Variants in ARHGAP24 observed in about 807,000 individuals in gnomAD.
The protein encoded by ARHGAP24 is Rho GTPase activating protein 24, also known as rho GTPase-activating protein 24.
ARHGAP24 carries 50 observed loss-of-function variants against 76.4 expected under a neutral mutation model. The ratio of observed to expected loss-of-function variants is 0.65; its 90% CI spans 0.52 to 0.83. The LOEUF (loss-of-function observed/expected upper bound fraction) is 0.83. Among genes scored for constraint, ARHGAP24 ranks in the 40% least tolerant of loss-of-function variants. The probability of loss-of-function intolerance (pLI) is 0.00; values close to 1 mark genes in which losing one functional copy is unlikely to be tolerated. For missense variants in ARHGAP24, 930 were observed against 914.2 expected (o/e 1.02, Z -0.22); for synonymous variants, 345 against 323.3 (o/e 1.07, Z -0.72).
intron 2 of ARHGAP24, among the ~76,000 whole-genome samples, chr4:85,629,293 C>A (rs1721080395): frequency 1.3e-5 from 2 of 152,106 alleles, no homozygotes; most frequent in African/African-American, 4.8e-5. Context: ...CAGTTTATGT[C>A]TTTAATATAT....
chr4:85,573,386 C>T (rs1727217965), intron 2 of ARHGAP24, among the ~76,000 whole-genome samples: 1 of 152,006 alleles, frequency 6.6e-6, no homozygotes, highest in Non-Finnish European at 1.5e-5. Flanking sequence ...TAATTTCTTC[C>T]CTTAAAATAG....
Position 85,986,493 on chromosome 4 carries a change from T to C in ARHGAP24, c.929-8090T>C, listed in dbSNP as rs146585429. 5.1e-3 allele frequency among the ~76,000 whole-genome samples: 772 copies of C among 152,208 alleles called. 3 individuals carry two copies. Among genetic ancestry groups the C allele is most frequent in the Admixed American group, 8.1e-3 (124 of 15,270 alleles). ...AAATGAGGGGAACCCAGTTATTGCC[T>C]CAGATTACTACTGGGAGGCAGTTTT... On this transcript the variant is annotated intron_variant, in intron 8 of 9. Transcript: ENST00000395184.
chr4:85,815,629 T>C (rs1729204234), intron 3 of ARHGAP24, among the ~76,000 whole-genome samples: 1 of 152,230 alleles, frequency 6.6e-6, no homozygotes, highest in Non-Finnish European at 1.5e-5. Flanking sequence ...TATCAGACTT[T>C]TGGCTAAAGC....
At chr4:85,862,935 GTC>G (rs1416790109) in intron 3 of ARHGAP24, among the ~76,000 whole-genome samples, 1 of 152,086 alleles carries the variant, frequency 6.6e-6, no homozygotes, top group African/African-American at 2.4e-5. Context: ...CTCCTGAAAT[GTC>G]TCTCTCTCAT....
chr4:85,595,320 T>C (rs910862776), intron 2 of ARHGAP24, among the ~76,000 whole-genome samples: 1 of 152,120 alleles, frequency 6.6e-6, no homozygotes, highest in African/African-American at 2.4e-5. Flanking sequence ...CTGTTTGTTT[T>C]GCGCTCAGTT....
intron 3 of ARHGAP24, among the ~76,000 whole-genome samples, chr4:85,777,935 A>T (rs1727369775): frequency 6.6e-6 from 1 of 152,164 alleles, no homozygotes; most frequent in Non-Finnish European, 1.5e-5. Context: ...TCTCTGTTTT[A>T]TTTAACAAAT....
intron 3 of ARHGAP24, among the ~76,000 whole-genome samples, chr4:85,919,734 G>A (rs764298610): frequency 4.3e-4 from 65 of 152,304 alleles, no homozygotes; most frequent in Middle Eastern, 3.4e-3. Flanking sequence ...ACACACTGTA[G>A]CGGCTGCCAC....
At chr4:85,499,787 G>A (rs1228819663) in intron 1 of ARHGAP24, among the ~76,000 whole-genome samples, 1 of 152,200 alleles carries the variant, frequency 6.6e-6, no homozygotes, top group Non-Finnish European at 1.5e-5. Context: ...GGTAGGCACA[G>A]CTAATGATCA....
At chr4:85,980,578 A>G (rs1316940858) in intron 8 of ARHGAP24, among the ~76,000 whole-genome samples, 1 of 152,178 alleles carries the variant, frequency 6.6e-6, no homozygotes, top group African/African-American at 2.4e-5. Context: ...TATTTATACT[A>G]TATGCTTTCA....
chr4:85,836,579 T>C (rs1367572509), intron 3 of ARHGAP24, among the ~76,000 whole-genome samples: 2 of 152,216 alleles, frequency 1.3e-5, no homozygotes, highest in Non-Finnish European at 2.9e-5. Flanking sequence ...GATTAGGGAC[T>C]ACCACTTTGA....
chr4:85,850,024 T>G (rs1473919013), intron 3 of ARHGAP24, among the ~76,000 whole-genome samples: 1 of 152,238 alleles, frequency 6.6e-6, no homozygotes, highest in Non-Finnish European at 1.5e-5. Flanking sequence ...GAAGAAATGG[T>G]ACCAGCTTCT....
At chr4:85,505,435 T>C (rs1724005508) in intron 1 of ARHGAP24, among the ~76,000 whole-genome samples, 1 of 152,244 alleles carries the variant, frequency 6.6e-6, no homozygotes, top group African/African-American at 2.4e-5. Flanking sequence ...TACTCTTTTT[T>C]CTCTAAACTT....
At chr4:85,658,161 A>G (rs1341099967) in intron 2 of ARHGAP24, among the ~76,000 whole-genome samples, 2 of 152,154 alleles carry the variant, frequency 1.3e-5, no homozygotes, top group Admixed American at 6.5e-5. Flanking sequence ...TTTTCTCTCC[A>G]TTAATGTTGA....
chr4:85,990,646 A>G (rs189637808), intron 8 of ARHGAP24: 39 of 152,018 alleles, frequency 2.6e-4, no homozygotes, highest in African/African-American at 7.9e-4. Context: ...TTTTTGACCA[A>G]TGTACCACGG....
intron 3 of ARHGAP24, among the ~76,000 whole-genome samples, chr4:85,794,347 C>T (rs1403066643): frequency 6.6e-6 from 1 of 152,116 alleles, no homozygotes; most frequent in African/African-American, 2.4e-5. Context: ...CTAAAGTTTT[C>T]AGAACACTTT....
chr4:85,880,821 T>C (rs561389977), intron 3 of ARHGAP24, among the ~76,000 whole-genome samples: 74 of 152,320 alleles, frequency 4.9e-4, no homozygotes, highest in Non-Finnish European at 8.2e-4. Context: ...GCATAACTTT[T>C]TAATGTGGCC....
chr4:85,844,537 C>T (rs1027456463), intron 3 of ARHGAP24, among the ~76,000 whole-genome samples: 10 of 152,120 alleles, frequency 6.6e-5, no homozygotes, highest in East Asian at 1.9e-4. Flanking sequence ...TACAAACACA[C>T]GCATACACAC....
At chr4:85,836,093 G>A (rs1730273002) in intron 3 of ARHGAP24, among the ~76,000 whole-genome samples, 1 of 152,200 alleles carries the variant, frequency 6.6e-6, no homozygotes, top group Non-Finnish European at 1.5e-5. Context: ...AGCAATGCAA[G>A]CTTTGGTCCT....
At chr4:85,851,448 A>T (rs1341232902) in intron 3 of ARHGAP24, among the ~76,000 whole-genome samples, 2 of 152,122 alleles carry the variant, frequency 1.3e-5, no homozygotes, top group Non-Finnish European at 1.5e-5. Flanking sequence ...GCCCATTTAC[A>T]TTTAAGGTTA....
Sources: gnomAD v4.1 joint callset for allele counts (sites outside exome capture counted in the v4.1 genomes callset) on GRCh38, gnomAD v4.1.1 for gene constraint, MANE v1.5 for transcripts, NCBI Gene and HGNC (gene_info 2026-07-23, HGNC 2026-07-21) for gene names.